Variants in MTA3 observed in about 807,000 individuals in gnomAD.
MTA3 encodes the protein metastasis associated 1 family member 3.
In MTA3, 34 loss-of-function variants were observed where a neutral mutation model predicts 83.5. That is an observed-to-expected ratio of 0.41 (90% CI 0.31 to 0.54). The LOEUF (loss-of-function observed/expected upper bound fraction) is 0.54, where lower values mean the gene tolerates loss of function less well. MTA3 is among the 20% of genes least tolerant of loss of function. The probability of loss-of-function intolerance (pLI) is 0.33; values close to 1 mark genes in which losing one functional copy is unlikely to be tolerated. For synonymous variants in MTA3, 303 were observed against 252.7 expected (o/e 1.20, Z -1.89); for missense variants, 761 against 726.4 (o/e 1.05, Z -0.55).
At chr2:42,517,000 C>A (rs892372241) in intron 2 of MTA3, among the ~76,000 whole-genome samples, 1 of 152,172 alleles carries the variant, frequency 6.6e-6, no homozygotes. Flanking sequence ...TGGCTCACGC[C>A]TGTAAACCCA....
chr2:42,635,591 T>G (rs1687107355), intron 4 of MTA3, among the ~76,000 whole-genome samples: 1 of 151,814 alleles, frequency 6.6e-6, no homozygotes, highest in Non-Finnish European at 1.5e-5. Context: ...ATCACACCAC[T>G]TGCACTCCAG....
At chr2:42,569,889 C>T (rs1007457310) in intron 1 of MTA3, 3 of 152,126 alleles carry the variant, frequency 2.0e-5, no homozygotes, top group African/African-American at 7.2e-5. Context: ...TTTTCCTCAT[C>T]TTCCCAGGTA....
chr2:42,747,188 C>T (rs184901382), intron 16 of MTA3, among the ~76,000 whole-genome samples: 8 of 152,086 alleles, frequency 5.3e-5, no homozygotes, highest in Admixed American at 3.3e-4. Flanking sequence ...TTAGTAGAGA[C>T]GGGGTCTCGC....
At chr2:42,583,251 T>A (rs1376753928) in intron 3 of MTA3, among the ~76,000 whole-genome samples, 1 of 152,194 alleles carries the variant, frequency 6.6e-6, no homozygotes, top group Non-Finnish European at 1.5e-5. Flanking sequence ...AAGGATTACT[T>A]CTATGTACAT....
At chr2:42,609,937 A>G (rs1468889989) in intron 4 of MTA3, among the ~76,000 whole-genome samples, 2 of 152,122 alleles carry the variant, frequency 1.3e-5, no homozygotes, top group East Asian at 3.8e-4. Context: ...CATCTCTACT[A>G]AAAATACAAA....
chr2:42,689,083 GT>G (rs1042589815), intron 9 of MTA3, among the ~76,000 whole-genome samples: 2 of 152,142 alleles, frequency 1.3e-5, no homozygotes, highest in African/African-American at 4.8e-5. Context: ...TTATGCATCA[GT>G]TGTGATTATG....
intron 2 of MTA3, among the ~76,000 whole-genome samples, chr2:42,540,185 T>G (rs999512071): frequency 8.0e-5 from 12 of 150,402 alleles, no homozygotes; most frequent in Non-Finnish European, 1.5e-4. Flanking sequence ...TTTTTTTTTT[T>G]TTTTTGTAGA....
At chr2:42,629,561 T>C (rs6544579) in intron 4 of MTA3, among the ~76,000 whole-genome samples, 116,153 of 152,038 alleles carry the variant, frequency 0.76, 44,858 homozygotes, top group Middle Eastern at 0.88. Flanking sequence ...GTAAGGTCCT[T>C]GAACAAGGAG....
intron 4 of MTA3, chr2:42,613,824 G>A (rs1684513098): frequency 6.6e-6 from 1 of 152,162 alleles, no homozygotes; most frequent in Non-Finnish European, 1.5e-5. Context: ...ACAGGACCCA[G>A]GACTTTTCGG....
intron 16 of MTA3, among the ~76,000 whole-genome samples, chr2:42,742,028 T>A (rs1223016325): frequency 6.6e-6 from 1 of 152,198 alleles, no homozygotes; most frequent in Non-Finnish European, 1.5e-5. Context: ...ACATGGGAGA[T>A]GTTCATATTT....
chr2:42,744,998 A>G (rs1669309267), intron 16 of MTA3, among the ~76,000 whole-genome samples: 1 of 152,174 alleles, frequency 6.6e-6, no homozygotes, highest in Non-Finnish European at 1.5e-5. Flanking sequence ...GTTCATTTGA[A>G]GCTTCTCAGC....
intron 2 of MTA3, among the ~76,000 whole-genome samples, chr2:42,549,374 T>C (rs1456487494): frequency 2.5e-5 from 3 of 121,666 alleles, no homozygotes; most frequent in Non-Finnish European, 3.2e-5. Context: ...TATATACGTA[T>C]ATAAAATATA....
upstream of MTA3, among the ~76,000 whole-genome samples, chr2:42,567,160 C>T (rs1677951021): frequency 6.6e-6 from 1 of 152,140 alleles, no homozygotes; most frequent in South Asian, 2.1e-4. Flanking sequence ...AAGCAAGAGA[C>T]ACCTGTTATT....
At chr2:42,525,475 A>ATTCCTTCC (rs61038484) in intron 2 of MTA3, among the ~76,000 whole-genome samples, 3,379 of 135,514 alleles carry the variant, frequency 0.025, 82 homozygotes, top group African/African-American at 0.054. Flanking sequence ...GCTAGGATCA[A>ATTCCTTCC]TTCCTTCCTT....
intron 2 of MTA3, among the ~76,000 whole-genome samples, chr2:42,561,232 C>T (rs1287924949): frequency 6.6e-6 from 1 of 152,162 alleles, no homozygotes; most frequent in Admixed American, 6.6e-5. Flanking sequence ...AAGGCCTTCC[C>T]TTACCACCAT....
chr2:42,511,017 C>A (rs1674873359), intron 2 of MTA3, among the ~76,000 whole-genome samples: 1 of 152,200 alleles, frequency 6.6e-6, no homozygotes, highest in Admixed American at 6.5e-5. Flanking sequence ...AAAACACCTG[C>A]TGTTCTTACC....
intron 2 of MTA3, among the ~76,000 whole-genome samples, chr2:42,524,527 T>C (rs1215614265): frequency 7.1e-6 from 1 of 139,902 alleles, no homozygotes; most frequent in African/African-American, 2.7e-5. Context: ...GGTTTCACCA[T>C]GTTAGCCAGG....
upstream of MTA3, among the ~76,000 whole-genome samples, chr2:42,564,224 C>CCT (rs1442904411): frequency 6.6e-6 from 1 of 152,130 alleles, no homozygotes; most frequent in African/African-American, 2.4e-5. Context: ...TGACTTAGTC[C>CCT]CTTTTCTACT....
chr2:42,725,014 C>T (rs1667713267), intron 16 of MTA3, among the ~76,000 whole-genome samples: 1 of 152,218 alleles, frequency 6.6e-6, no homozygotes, highest in African/African-American at 2.4e-5. Flanking sequence ...GACTTAGCTG[C>T]TGAAACACTT....
Sources: allele counts gnomAD v4.1 joint callset (sites outside exome capture counted in the v4.1 genomes callset), GRCh38; gene constraint gnomAD v4.1.1; transcripts MANE v1.5; gene names NCBI Gene and HGNC (gene_info 2026-07-23, HGNC 2026-07-21).